The following PHKB variants were observed in gnomAD, a reference collection of about 807,000 sequenced individuals.
PHKB encodes phosphorylase b kinase regulatory subunit beta.
In PHKB, 122 loss-of-function variants were observed where a neutral mutation model predicts 152.1. The observed-to-expected ratio is 0.80, with a 90% CI of 0.69 to 0.93. The LOEUF (loss-of-function observed/expected upper bound fraction) is 0.93, where lower values mean the gene tolerates loss of function less well. PHKB is among the 40% of genes least tolerant of loss of function. The probability of loss-of-function intolerance (pLI) is 0.00; values close to 1 mark genes in which losing one functional copy is unlikely to be tolerated. For missense variants in PHKB, 1,304 were observed against 1,328.4 expected (o/e 0.98, Z 0.29); for synonymous variants, 436 against 464.9 (o/e 0.94, Z 0.80).
intron 26 of PHKB, among the ~76,000 whole-genome samples, chr16:47,683,512 A>G (rs1973902689): frequency 1.3e-5 from 2 of 152,008 alleles, no homozygotes. Context: ...TTGATCTCAG[A>G]CTGCTGTGCT....
chr16:47,616,733 C>T (rs569080505), intron 14 of PHKB, among the ~76,000 whole-genome samples: 107 of 150,632 alleles, frequency 7.1e-4, no homozygotes, highest in African/African-American at 2.3e-3. Flanking sequence ...CCTAACCCAG[C>T]GGTGCTAGAG....
At chr16:47,530,532 A>G (rs1354762577) in intron 6 of PHKB, among the ~76,000 whole-genome samples, 2 of 152,232 alleles carry the variant, frequency 1.3e-5, no homozygotes, top group Non-Finnish European at 2.9e-5. Flanking sequence ...TGGCAATGGC[A>G]GAAATGAAAA....
In PHKB at chr16:47,650,644, G is replaced by A; in HGVS notation, c.1880+18G>A. On this transcript the variant is annotated intron_variant, in intron 19 of 30. Coordinates refer to ENST00000323584, the MANE Select transcript of PHKB (RefSeq NM_000293.3). ...AATATAAGGTAGGTTGATAAAAGAA[G>A]TAAGGTACGTGTGTCTCACTGACAT... 6.6e-6 allele frequency: 10 copies of A among 1,524,508 alleles called. No homozygotes were observed. The highest frequency in any genetic ancestry group is 9.1e-6 in the Non-Finnish European group (10 of 1,098,388). 94.4% of individuals were successfully genotyped at this position (1,524,508 alleles called of 1,614,324 possible).
chr16:47,476,888 A>G (rs1374773169), intron 1 of PHKB, among the ~76,000 whole-genome samples: 1 of 152,190 alleles, frequency 6.6e-6, no homozygotes, highest in African/African-American at 2.4e-5. Context: ...TAAAATGCAA[A>G]CCTGGAATCT....
chr16:47,616,795 A>C (rs1393652062), intron 14 of PHKB, among the ~76,000 whole-genome samples: 2 of 151,774 alleles, frequency 1.3e-5, no homozygotes, highest in African/African-American at 4.8e-5. Flanking sequence ...GAAATCAGGG[A>C]TCTCACTGCC....
chr16:47,674,170 G>A (rs950453386), intron 26 of PHKB, among the ~76,000 whole-genome samples: 4 of 139,526 alleles, frequency 2.9e-5, no homozygotes, highest in Non-Finnish European at 6.2e-5. Flanking sequence ...TTTTTTTTTC[G>A]TCTTTTGTCT....
At chr16:47,566,262 G>C in intron 7 of PHKB, 1 of 868,692 alleles carries the variant, frequency 1.2e-6, no homozygotes, top group Non-Finnish European at 2.0e-6. Flanking sequence ...TCTTCTAGGT[G>C]AGTAGTCATC....
At chr16:47,546,667 G>T (rs1294834245) in intron 6 of PHKB, among the ~76,000 whole-genome samples, 1 of 152,186 alleles carries the variant, frequency 6.6e-6, no homozygotes, top group African/African-American at 2.4e-5. Context: ...GTTTAACTCT[G>T]CAGAAGTTTC....
rs559966925 is a variant in PHKB, at chr16:47,520,686, C to T, written c.594+5085C>T. Among the ~76,000 whole-genome samples, 7 of 152,262 alleles carry T rather than the reference C, an allele frequency of 4.6e-5. No individual in the cohort carries two copies. In the South Asian group the frequency reaches 8.3e-4, roughly 18 times the overall value. On this transcript the variant is annotated intron_variant, in intron 6 of 30. Transcript: ENST00000323584. The stretch of plus-strand genomic sequence containing the variant: ...ATGCATCCTTGCATGGATTATACAA[C>T]TATCTGATAAACATTTATTGAGTTT...
chr16:47,576,042 C>T lies in PHKB; in HGVS notation c.711-4253C>T, dbSNP rs546949767. Among the ~76,000 whole-genome samples the T allele has an allele frequency of 3.3e-4, 51 of 152,280 alleles. 1 individual carries two copies. Among genetic ancestry groups the T allele is most frequent in the African/African-American group, 1.2e-3 (48 of 41,540 alleles). The stretch of plus-strand genomic sequence containing the variant: ...GGTGAGCCGAGATCGCGCCATTGCA[C>T]TCCAGCTTGGGCAACAAGAGCGAAA... On this transcript the variant is annotated intron_variant, in intron 7 of 30. Transcript: ENST00000323584.
At chr16:47,546,130 C>T (rs920163263) in intron 6 of PHKB, among the ~76,000 whole-genome samples, 11 of 152,110 alleles carry the variant, frequency 7.2e-5, no homozygotes, top group African/African-American at 1.4e-4. Flanking sequence ...AGCTTTTTTC[C>T]GTTGCTGGTG....
At chr16:47,605,560 A>G (rs192074580) in intron 13 of PHKB, among the ~76,000 whole-genome samples, 1 of 152,328 alleles carries the variant, frequency 6.6e-6, no homozygotes, top group Non-Finnish European at 1.5e-5. Flanking sequence ...TTCACATCTC[A>G]GTGATCATAC....
At chr16:47,513,442 A>T (rs571468540) in intron 5 of PHKB, among the ~76,000 whole-genome samples, 2 of 152,334 alleles carry the variant, frequency 1.3e-5, no homozygotes, top group Admixed American at 1.3e-4. Context: ...TAAAAAACCT[A>T]AAAGATGCAG....
At chr16:47,563,744 G>A (rs925527523) in intron 7 of PHKB, among the ~76,000 whole-genome samples, 4 of 152,066 alleles carry the variant, frequency 2.6e-5, no homozygotes, top group Admixed American at 6.6e-5. Context: ...TGGGCGTTAA[G>A]GGTACCCATC....
chr16:47,630,149 A>C (rs1394294626), intron 14 of PHKB, among the ~76,000 whole-genome samples: 2 of 152,138 alleles, frequency 1.3e-5, no homozygotes, highest in Admixed American at 6.5e-5. Flanking sequence ...CATTGTGCAC[A>C]TGTACCCTAA....
chr16:47,684,209 T>G (rs957807207), intron 26 of PHKB, among the ~76,000 whole-genome samples: 1 of 152,050 alleles, frequency 6.6e-6, no homozygotes, highest in African/African-American at 2.4e-5. Context: ...GGTGCCTGCC[T>G]GTAGTCCCAG....
chr16:47,511,541 G>C, intron 4 of PHKB, 124 bp from the exon 5 acceptor site: 2 of 722,456 alleles, frequency 2.8e-6, no homozygotes, highest in East Asian at 2.7e-5. Context: ...TAACGTTTCT[G>C]CTTTGTTCGG....
In PHKB at chr16:47,583,088, C is replaced by T. The variant is rs113411084; in HGVS notation, c.774+2730C>T. Among the ~76,000 whole-genome samples the T allele has an allele frequency of 1.1e-3, 169 of 152,332 alleles. 2 individuals are homozygous for T. Among genetic ancestry groups the T allele is most frequent in the African/African-American group, 3.7e-3 (154 of 41,576 alleles). On this transcript the variant is annotated intron_variant, in intron 8 of 30. Transcript: ENST00000323584. ...CTGGGATTACAGCCATGAGCCACCACGCCGGGCCATGTCTTATTTCTTTAG... is the reference window on the plus strand; with the variant it reads ...CTGGGATTACAGCCATGAGCCACCATGCCGGGCCATGTCTTATTTCTTTAG...
chr16:47,485,367 T>C (rs1970031695), intron 1 of PHKB, among the ~76,000 whole-genome samples: 1 of 152,178 alleles, frequency 6.6e-6, no homozygotes, highest in Non-Finnish European at 1.5e-5. Context: ...ATTCAAATCT[T>C]TTTAACTATA....
Sources: allele counts gnomAD v4.1 joint callset (sites outside exome capture counted in the v4.1 genomes callset), GRCh38; gene constraint gnomAD v4.1.1; transcripts MANE v1.5; gene names NCBI Gene and HGNC (gene_info 2026-07-23, HGNC 2026-07-21).